The following ACER3 variants were observed in gnomAD, a reference collection of about 807,000 sequenced individuals.
ACER3 encodes the protein alkaline ceramidase 3.
Under a neutral mutation model 48.9 loss-of-function variants are expected in ACER3, and 16 were observed. The ratio of observed to expected loss-of-function variants is 0.33; its 90% CI spans 0.22 to 0.50. The LOEUF is 0.50. Among genes scored for constraint, ACER3 ranks in the 20% least tolerant of loss-of-function variants. The probability of loss-of-function intolerance (pLI) is 0.98; values close to 1 mark genes in which losing one functional copy is unlikely to be tolerated. For missense variants in ACER3, 227 were observed against 326.0 expected, an observed-to-expected ratio of 0.70 and a Z score of 2.34; for synonymous variants, 109 against 107.8, an observed-to-expected ratio of 1.01 and a Z score of -0.07.
At chr11:76,946,188 C>T (rs994334270) in intron 2 of ACER3, among the ~76,000 whole-genome samples, 1 of 151,694 alleles carries the variant, frequency 6.6e-6, no homozygotes. Context: ...GCCTGATTTC[C>T]CTGTCCCTCC....
chr11:76,888,798 A>C (rs767000105), intron 1 of ACER3, among the ~76,000 whole-genome samples: 2 of 152,086 alleles, frequency 1.3e-5, no homozygotes, highest in African/African-American at 2.4e-5. Context: ...ATCTCTTGTC[A>C]CCTTGCCTTA....
chr11:76,894,310 C>T (rs538848326), intron 1 of ACER3, among the ~76,000 whole-genome samples: 1 of 152,214 alleles, frequency 6.6e-6, no homozygotes, highest in African/African-American at 2.4e-5. Flanking sequence ...TAAGTTACCT[C>T]TTTAATAATT....
chr11:76,881,311 C>T (rs192463906), intron 1 of ACER3, among the ~76,000 whole-genome samples: 76 of 146,496 alleles, frequency 5.2e-4, no homozygotes, highest in African/African-American at 1.9e-3. Context: ...ATGTTATTAA[C>T]AGGGCAACAA....
At chr11:76,914,214 A>G (rs148423616) in intron 1 of ACER3, among the ~76,000 whole-genome samples, 16,252 of 152,196 alleles carry the variant, frequency 0.11, 2,867 homozygotes, top group African/African-American at 0.37. Flanking sequence ...TAATTAAACT[A>G]AAGAACTTCT....
At position 77,020,472 on chromosome 11, in the gene ACER3, C is replaced by T. The variant is rs1949454802; in HGVS notation, c.*145C>T. 2 of 877,850 alleles carry T rather than the reference C, an allele frequency of 2.3e-6. No individual in the cohort carries two copies. The highest frequency in any genetic ancestry group is 3.5e-6 in the Non-Finnish European group (2 of 577,144). The allele number at this position is 877,850 out of a possible 1,614,324, so 54.4% of individuals were successfully genotyped here. A position where few individuals can be genotyped will look rare whatever the true frequency, so the allele number is the denominator to read the frequency against. On this transcript the variant is annotated 3_prime_UTR_variant, in exon 11 of 11. Transcript: ENST00000532485. The stretch of plus-strand genomic sequence containing the variant: ...TTTCTGACTAATGCTGCCACCCACA[C>T]AGAGAATAAGGAGTAGGGCCTGCTG...
intron 1 of ACER3, among the ~76,000 whole-genome samples, chr11:76,896,556 G>C (rs1565164266): frequency 6.6e-6 from 1 of 151,880 alleles, no homozygotes; most frequent in Non-Finnish European, 1.5e-5. Context: ...GTCCCACTAA[G>C]TAGAAATCTT....
chr11:76,933,173 C>CATATATATAT (rs144524712), intron 2 of ACER3, among the ~76,000 whole-genome samples: 36,768 of 128,946 alleles, frequency 0.29, 6,457 homozygotes, highest in Non-Finnish European at 0.4. Flanking sequence ...ATACGTATTT[C>CATATATATAT]ATATATATAT....
chr11:77,001,273 TGAGA>T (rs1440606322), intron 7 of ACER3, among the ~76,000 whole-genome samples: 1 of 152,198 alleles, frequency 6.6e-6, no homozygotes, highest in Non-Finnish European at 1.5e-5. Flanking sequence ...TTGCTTTTTT[TGAGA>T]CAGAGTCTCG....
At position 76,868,376 on chromosome 11, in the gene ACER3, TC is replaced by T; in HGVS notation, c.103+7298del. 8.2e-6 allele frequency: 3 copies of T among 364,500 alleles called. No individual in the cohort carries two copies. In the South Asian group the frequency reaches 8.5e-5, roughly 10 times the overall value. 22.6% of individuals were successfully genotyped at this position (364,500 alleles called of 1,614,324 possible). ...TGTACAAAAGAGTTTAGTTTTAATA[TC>T]TCTCTCTCTCTCTCTGTGTGTGTGT... On this transcript the variant is annotated intron_variant, in intron 1 of 10. Transcript: ENST00000532485.
intron 2 of ACER3, among the ~76,000 whole-genome samples, chr11:76,929,494 C>G (rs960389711): frequency 6.6e-6 from 1 of 152,178 alleles, no homozygotes; most frequent in African/African-American, 2.4e-5. Flanking sequence ...ACTTCCAACA[C>G]TATGTTGAAT....
At chr11:76,980,532 G>C (rs1479603483) in intron 4 of ACER3, among the ~76,000 whole-genome samples, 2 of 152,012 alleles carry the variant, frequency 1.3e-5, no homozygotes, top group African/African-American at 4.8e-5. Context: ...TAAAAAATTA[G>C]CTTGCATGAT....
chr11:76,947,672 A>T (rs1947511776), intron 2 of ACER3, among the ~76,000 whole-genome samples: 1 of 152,214 alleles, frequency 6.6e-6, no homozygotes, highest in Non-Finnish European at 1.5e-5. Flanking sequence ...CAATCTGTCA[A>T]AAATATTAGT....
chr11:76,916,051 ATTAAGG>A lies in ACER3; in HGVS notation c.104-10501_104-10496del, dbSNP rs540579897. Among the ~76,000 whole-genome samples, 20 of 152,358 alleles carry A rather than the reference ATTAAGG, an allele frequency of 1.3e-4. No homozygotes were observed. In the East Asian group the frequency reaches 1.9e-3, roughly 15 times the overall value. ...TAATAAATCATCTGCATTTTTAATA[ATTAAGG>A]TTAATTTAGTCTAAATTTAAAATGC... On this transcript the variant is annotated intron_variant, in intron 1 of 10. Transcript: ENST00000532485.
At chr11:76,916,985 G>A (rs183004942) in intron 1 of ACER3, among the ~76,000 whole-genome samples, 40 of 152,242 alleles carry the variant, frequency 2.6e-4, no homozygotes, top group Admixed American at 1.9e-3. Flanking sequence ...TACCTAAGCC[G>A]TATCTGATAT....
At chr11:76,903,986 T>C (rs1946150047) in intron 1 of ACER3, among the ~76,000 whole-genome samples, 1 of 152,142 alleles carries the variant, frequency 6.6e-6, no homozygotes. Flanking sequence ...TCCAATACCC[T>C]TATTTTTATT....
At chr11:76,968,404 G>A (rs1039526261) in intron 3 of ACER3, among the ~76,000 whole-genome samples, 7 of 152,136 alleles carry the variant, frequency 4.6e-5, no homozygotes, top group African/African-American at 1.7e-4. Context: ...TCCCCATCAA[G>A]CTACCAATGA....
intron 2 of ACER3, chr11:76,955,599 A>G (rs925627817): frequency 6.6e-6 from 1 of 152,242 alleles, no homozygotes; most frequent in Non-Finnish European, 1.5e-5. Flanking sequence ...TGGAAAGAGA[A>G]GAAGCAAGCT....
At chr11:76,949,904 G>A (rs190863350) in intron 2 of ACER3, among the ~76,000 whole-genome samples, 61 of 152,162 alleles carry the variant, frequency 4.0e-4, no homozygotes, top group African/African-American at 1.3e-3. Flanking sequence ...TTCGTCTTCC[G>A]TAACTCTCCC....
At chr11:76,875,171 T>C (rs1408733952) in intron 1 of ACER3, among the ~76,000 whole-genome samples, 1 of 139,236 alleles carries the variant, frequency 7.2e-6, no homozygotes, top group Non-Finnish European at 1.5e-5. Context: ...TGGAGTGCAG[T>C]GGTGAGATCT....
Sources: gnomAD v4.1 joint callset for allele counts (sites outside exome capture counted in the v4.1 genomes callset) on GRCh38, gnomAD v4.1.1 for gene constraint, MANE v1.5 for transcripts, NCBI Gene and HGNC (gene_info 2026-07-23, HGNC 2026-07-21) for gene names.